The following VCPKMT variants were observed in gnomAD, a reference collection of about 807,000 sequenced individuals.
VCPKMT encodes protein N-lysine methyltransferase METTL21D.
In VCPKMT, 32 loss-of-function variants were observed where a neutral mutation model predicts 28.6. The observed-to-expected ratio is 1.12, with a 90% CI of 0.84 to 1.50. The LOEUF (loss-of-function observed/expected upper bound fraction) is 1.50, where lower values mean the gene tolerates loss of function less well. Among genes scored for constraint, VCPKMT ranks in the 40% most tolerant of loss-of-function variants. The probability of loss-of-function intolerance (pLI) is 0.00; values close to 1 mark genes in which losing one functional copy is unlikely to be tolerated. For missense variants in VCPKMT, 366 were observed against 285.0 expected (o/e 1.28, Z -2.05); for synonymous variants, 138 against 111.4 (o/e 1.24, Z -1.50).
Position 50,116,437 on chromosome 14 carries a change from C to T in VCPKMT, c.116G>A (p.Gly39Asp). 2 of 1,614,052 alleles carry T rather than the reference C, an allele frequency of 1.2e-6. No individual in the cohort carries two copies. The highest frequency in any genetic ancestry group is 1.7e-6 in the Non-Finnish European group (2 of 1,179,970). Residue 39 changes from glycine to aspartate, a missense_variant, in exon 1 of 6, where the codon GGT (glycine) becomes GAT (aspartate). Gly to Asp is a moderately conservative substitution (Grantham distance 94). Transcript: ENST00000395860. ...AATGGCAGCGTCCCACACAACGCAA[C>T]CCACGCCACCGGAGCTATACTGCTG... The part of the protein sequence containing the change: ...RLQQYSSGGV[G>D]CVVWDAAIVL...
chr14:50,104,508 T>TA, downstream of VCPKMT, among the ~76,000 whole-genome samples: 1 of 152,206 alleles, frequency 6.6e-6, no homozygotes, highest in East Asian at 1.9e-4. Flanking sequence ...GTCTTTATGG[T>TA]ATGAAAACTG....
At chr14:50,115,951 T>C in intron 2 of VCPKMT, 40 bp from the exon 3 acceptor site, 1 of 1,606,116 alleles carries the variant, frequency 6.2e-7, no homozygotes, top group Non-Finnish European at 8.5e-7. Context: ...GTTTTAATAA[T>C]TCAAAATACT....
At chr14:50,107,137 C>G (rs547286604), downstream of VCPKMT, among the ~76,000 whole-genome samples, 20 of 152,346 alleles carry the variant, frequency 1.3e-4, no homozygotes, top group African/African-American at 4.6e-4. Context: ...TCTTCCAGAG[C>G]TCCCCAGCTG....
At position 50,109,702 on chromosome 14, in the gene VCPKMT, C is replaced by T. The variant is rs73289738; in HGVS notation, c.687G>A (p.Ser229=). The T allele has an allele frequency of 6.3e-5, 101 of 1,601,300 alleles. No individual in the cohort carries two copies. Among genetic ancestry groups the T allele is most frequent in the Non-Finnish European group, 7.8e-5 (92 of 1,174,352 alleles). ...TTGGGTAAGATGATTAAAGGCTTCA[C>T]GATGGAAATTTCTATAACAAAAAAA... ...YIRKKKSKFP[S] The change falls in exon 6 of 6, where the codon TCG becomes TCA. Residue 229 remains serine (S), a synonymous_variant. Transcript: ENST00000395860.
At chr14:50,111,696 G>A (rs1018997916) in intron 5 of VCPKMT, 12 of 812,910 alleles carry the variant, frequency 1.5e-5, no homozygotes, top group Middle Eastern at 6.3e-4. Flanking sequence ...TGGACAACAT[G>A]GCAAAACCCT....
At chr14:50,103,406 GC>G in the VCPKMT span, among the ~76,000 whole-genome samples, 1 of 152,170 alleles carries the variant, frequency 6.6e-6, no homozygotes, top group Non-Finnish European at 1.5e-5. Context: ...ATATTGTTAT[GC>G]AGATAGATCA....
chr14:50,107,109 C>A (rs561656228), downstream of VCPKMT, among the ~76,000 whole-genome samples: 2 of 152,330 alleles, frequency 1.3e-5, no homozygotes, highest in Non-Finnish European at 1.5e-5. Context: ...TAACAATGGA[C>A]TCCTCCGAAA....
the VCPKMT span, among the ~76,000 whole-genome samples, chr14:50,102,749 G>C: frequency 1.3e-5 from 2 of 152,282 alleles, no homozygotes; most frequent in Admixed American, 6.5e-5. Context: ...GCTTTGCAAG[G>C]AAGAAATATC....
chr14:50,109,746 G>T, intron 5 of VCPKMT, 33 bp from the exon 6 acceptor site: 1 of 1,586,612 alleles, frequency 6.3e-7, no homozygotes, highest in South Asian at 1.1e-5. Context: ...TTAAAAGATT[G>T]ATTTACCACA....
chr14:50,111,514 C>G (rs1022313851), intron 5 of VCPKMT: 4 of 985,244 alleles, frequency 4.1e-6, no homozygotes, highest in African/African-American at 3.5e-5. Context: ...ATCTAGCATC[C>G]TTAATTCATA....
downstream of VCPKMT, chr14:50,106,522 C>T (rs1384287110): frequency 2.0e-6 from 2 of 981,888 alleles, no homozygotes; most frequent in Non-Finnish European, 2.4e-6. Flanking sequence ...TCAATTCATG[C>T]ATCATTTCTC....
downstream of VCPKMT, chr14:50,108,559 T>C (rs1882424799): frequency 1.0e-6 from 1 of 955,298 alleles, no homozygotes; most frequent in Admixed American, 6.2e-5. Context: ...TGTCTCTAAA[T>C]AGGGCTGCTT....
In VCPKMT at chr14:50,116,508, GC is replaced by G; in HGVS notation, c.44del (p.Ser15ThrfsTer52). 2.5e-6 allele frequency: 4 copies of G among 1,613,688 alleles called. No homozygotes were observed. The highest frequency in any genetic ancestry group is 3.4e-6 in the Non-Finnish European group (4 of 1,179,876). On this transcript the variant is annotated frameshift_variant, in exon 1 of 6. Coordinates refer to ENST00000395860, the MANE Select transcript of VCPKMT (RefSeq NM_024558.3). LOFTEE classifies it high-confidence loss of function. Reference protein sequence around the residue: ...LESSLEDPLRSFVRVLEKRDG... With the variant: ...LESSLEDPLRXFVRVLEKRDG... The stretch of plus-strand genomic sequence containing the variant: ...CCCGCTTCTCCAAAACTCGCACAAA[GC>G]TCCGCAGTGGGTCCTCCAGCGAGGA...
downstream of VCPKMT, among the ~76,000 whole-genome samples, chr14:50,105,368 C>T (rs143353878): frequency 3.0e-3 from 464 of 152,284 alleles, 2 homozygotes; most frequent in Admixed American, 4.6e-3. Context: ...CAGTGGCTCA[C>T]GCACATAATC....
At chr14:50,109,802 C>T (rs900818879) in intron 5 of VCPKMT, 89 bp from the exon 6 acceptor site, 9 of 1,392,314 alleles carry the variant, frequency 6.5e-6, no homozygotes, top group Non-Finnish European at 8.7e-6. Context: ...CCTCATAATG[C>T]CTAGTATGCC....
intron 4 of VCPKMT, among the ~76,000 whole-genome samples, chr14:50,113,667 A>T (rs1405083615): frequency 6.6e-6 from 1 of 151,878 alleles, no homozygotes; most frequent in African/African-American, 2.4e-5. Context: ...TTTCATAAAT[A>T]TGTAGAGAAA....
rs368865586 is a variant in VCPKMT at position 50,116,107 on chromosome 14, A to G, written c.339T>C (p.His113=). 11 of 1,613,832 alleles carry G rather than the reference A, an allele frequency of 6.8e-6. No individual in the cohort carries two copies. The African/African-American group carries it at 1.2e-4, about 18-fold the overall frequency. ...TGGCTTGAACAGAACCAGTGACAAG[A>G]TGCTTGTTCATATTAATATTCATCT... ...LLKMNINMNK[H]LVTGSVQAKV... Residue 113 remains histidine (H), a synonymous_variant, in exon 2 of 6, where the codon CAT becomes CAC. Transcript: ENST00000395860.
intron 3 of VCPKMT, among the ~76,000 whole-genome samples, chr14:50,115,157 T>TTTTG (rs1883029249): frequency 1.6e-5 from 2 of 124,676 alleles, no homozygotes; most frequent in African/African-American, 5.2e-5. Flanking sequence ...TTTTTTTTTT[T>TTTTG]TTTTTTTTTT....
intron 3 of VCPKMT, among the ~76,000 whole-genome samples, chr14:50,115,088 G>A (rs1454880057): frequency 2.0e-5 from 3 of 150,566 alleles, no homozygotes; most frequent in Non-Finnish European, 4.4e-5. Flanking sequence ...ACCCTAACTT[G>A]GTTCAATGCT....
Sources: allele counts gnomAD v4.1 joint callset (sites outside exome capture counted in the v4.1 genomes callset), GRCh38; gene constraint gnomAD v4.1.1; transcripts MANE v1.5; gene names NCBI Gene and HGNC (gene_info 2026-07-23, HGNC 2026-07-21).